Variants in NBEA observed in about 807,000 individuals in gnomAD.
The protein encoded by NBEA is neurobeachin.
Under a neutral mutation model 343.4 loss-of-function variants are expected in NBEA, and 44 were observed. That is an observed-to-expected ratio of 0.13 (90% CI 0.10 to 0.16). The LOEUF is 0.16. Ranked by LOEUF, NBEA falls within the 10% of genes least tolerant of loss-of-function variation. The probability of loss-of-function intolerance (pLI) is 1.00; values close to 1 mark genes in which losing one functional copy is unlikely to be tolerated. For missense variants in NBEA, 2,555 were observed against 3,631.3 expected, an observed-to-expected ratio of 0.70 and a Z score of 7.62; for synonymous variants, 1,175 against 1,238.7, an observed-to-expected ratio of 0.95 and a Z score of 1.08.
chr13:34,959,591 G>A (rs1194470278), intron 1 of NBEA, among the ~76,000 whole-genome samples: 1 of 152,072 alleles, frequency 6.6e-6, no homozygotes, highest in African/African-American at 2.4e-5. Flanking sequence ...GGAGTCTGTT[G>A]AGTAGCTGTG....
At chr13:35,248,987 TA>T (rs1593926232) in intron 34 of NBEA, among the ~76,000 whole-genome samples, 1 of 151,926 alleles carries the variant, frequency 6.6e-6, no homozygotes, top group East Asian at 1.9e-4. Flanking sequence ...CCATCTGTAC[TA>T]AAAATGCAAA....
intron 38 of NBEA, among the ~76,000 whole-genome samples, chr13:35,360,260 A>G (rs2040736532): frequency 6.6e-6 from 1 of 152,038 alleles, no homozygotes; most frequent in Non-Finnish European, 1.5e-5. Flanking sequence ...GCAAATCTGG[A>G]GCTTTAAAAA....
intron 38 of NBEA, among the ~76,000 whole-genome samples, chr13:35,392,470 GTTTTGTTTT>G (rs1211815666): frequency 7.0e-6 from 1 of 143,746 alleles, no homozygotes; most frequent in Non-Finnish European, 1.5e-5. Context: ...TGTGTGTGTG[GTTTTGTTTT>G]TTTTGTTTTT....
At position 35,645,920 on chromosome 13, in the gene NBEA, G is replaced by T; in HGVS notation, c.7669G>T (p.Asp2557Tyr). 1 of 1,565,650 alleles carries T rather than the reference G, an allele frequency of 6.4e-7. No individual in the cohort carries two copies. The highest frequency in any genetic ancestry group is 8.7e-7 in the Non-Finnish European group (1 of 1,150,040). ...RDPHTFLLTK[D>Y]FIKAMEAQIQ... Reference sequence around the variant, plus strand: ...CCCCCACACTTTCCTTCTTACAAAGGACTTTATTAAGGTATATGTTCTGTA... The same window carrying T: ...CCCCCACACTTTCCTTCTTACAAAGTACTTTATTAAGGTATATGTTCTGTA... Residue 2557 changes from aspartate to tyrosine, a missense_variant, in exon 50 of 59, where the codon GAC becomes TAC. Asp to Tyr is a radical substitution (Grantham distance 160). Coordinates refer to ENST00000379939, the MANE Select transcript of NBEA (RefSeq NM_001385012.1).
At chr13:35,577,094 A>T (rs902399562) in intron 45 of NBEA, among the ~76,000 whole-genome samples, 1 of 152,178 alleles carries the variant, frequency 6.6e-6, no homozygotes, top group African/African-American at 2.4e-5. Context: ...TTCATTCTCA[A>T]ACAGGCTTCC....
chr13:35,240,239 T>C (rs2029984865), intron 34 of NBEA, among the ~76,000 whole-genome samples: 1 of 151,926 alleles, frequency 6.6e-6, no homozygotes, highest in Non-Finnish European at 1.5e-5. Context: ...TTATGTCCTT[T>C]CTTTGTGAAC....
At chr13:35,114,741 G>A (rs1208684980) in intron 13 of NBEA, among the ~76,000 whole-genome samples, 2 of 152,130 alleles carry the variant, frequency 1.3e-5, no homozygotes, top group African/African-American at 2.4e-5. Flanking sequence ...TGACAGGAAA[G>A]TGGAATCAGC....
intron 17 of NBEA, among the ~76,000 whole-genome samples, chr13:35,131,463 G>A (rs1034136399): frequency 2.0e-5 from 3 of 152,108 alleles, no homozygotes; most frequent in African/African-American, 7.2e-5. Flanking sequence ...TAATTATGAT[G>A]TGTGCAAAAA....
chr13:35,584,407 C>T (rs796309843), intron 46 of NBEA, among the ~76,000 whole-genome samples: 2 of 151,658 alleles, frequency 1.3e-5, no homozygotes, highest in South Asian at 4.2e-4. Context: ...CAGCCTTGAA[C>T]CCCTGGGCTC....
chr13:35,107,275 T>C (rs1306727681), intron 11 of NBEA, among the ~76,000 whole-genome samples: 2 of 148,710 alleles, frequency 1.3e-5, no homozygotes, highest in African/African-American at 2.5e-5. Flanking sequence ...CTTGTTTTGG[T>C]TCCCCCCCCT....
intron 38 of NBEA, among the ~76,000 whole-genome samples, chr13:35,364,448 A>G (rs1165003642): frequency 1.3e-5 from 2 of 151,890 alleles, no homozygotes; most frequent in Admixed American, 6.6e-5. Flanking sequence ...TTAATCTGAG[A>G]TAGTTAAAGA....
At chr13:35,574,956 G>T (rs1299715938) in intron 45 of NBEA, among the ~76,000 whole-genome samples, 1 of 151,974 alleles carries the variant, frequency 6.6e-6, no homozygotes, top group African/African-American at 2.4e-5. Flanking sequence ...CACCATGTGG[G>T]CCAGGCTGCT....
chr13:35,001,579 A>G (rs1027253202), intron 1 of NBEA, among the ~76,000 whole-genome samples: 1 of 152,216 alleles, frequency 6.6e-6, no homozygotes. Context: ...ACAGAAAGAT[A>G]AATACCACAT....
chr13:35,095,905 G>A (rs1285195055), intron 10 of NBEA, among the ~76,000 whole-genome samples: 2 of 151,918 alleles, frequency 1.3e-5, no homozygotes, highest in Non-Finnish European at 2.9e-5. Flanking sequence ...TAGATCCTCT[G>A]CAGATGAACT....
chr13:35,351,525 TAAGA>T (rs1457541191), intron 37 of NBEA, among the ~76,000 whole-genome samples: 1 of 151,990 alleles, frequency 6.6e-6, no homozygotes, highest in African/African-American at 2.4e-5. Context: ...AAAAGGAAGG[TAAGA>T]ATAAGGTAGT....
At chr13:35,665,059 G>C (rs2085287530) in intron 55 of NBEA, 26 bp from the exon 56 acceptor site, 5 of 1,498,364 alleles carry the variant, frequency 3.3e-6, no homozygotes, top group Non-Finnish European at 4.6e-6. Context: ...GGTCTGTAGT[G>C]CCTCACTGCT....
intron 1 of NBEA, among the ~76,000 whole-genome samples, chr13:34,948,235 T>G (rs2059247187): frequency 2.0e-5 from 3 of 152,186 alleles, no homozygotes; most frequent in Non-Finnish European, 4.4e-5. Context: ...TAGGTGGGTC[T>G]ACCCCACTGC....
intron 41 of NBEA, among the ~76,000 whole-genome samples, chr13:35,539,913 CTCAAAAA>C (rs2078737127): frequency 3.7e-5 from 1 of 26,714 alleles, no homozygotes; most frequent in Non-Finnish European, 6.1e-5. Flanking sequence ...AAGACTCCGT[CTCAAAAA>C]AAAAAAAAAA....
At position 35,444,208 on chromosome 13, in the gene NBEA, C is replaced by G. The variant is rs554941063; in HGVS notation, c.6305-7884C>G. Among the ~76,000 whole-genome samples, 135 of 151,932 alleles carry G rather than the reference C, an allele frequency of 8.9e-4. 2 individuals carry two copies. The highest frequency in any genetic ancestry group is 6.9e-3 in the Middle Eastern group (2 of 290). On this transcript the variant is annotated intron_variant, in intron 39 of 58. Coordinates refer to ENST00000379939, the MANE Select transcript of NBEA (RefSeq NM_001385012.1). ...TAAACTTCCCAGTAATAGATTGATT[C>G]ATACATATTATTGCACAAGATTGTG...
Sources: gnomAD v4.1 joint callset for allele counts (sites outside exome capture counted in the v4.1 genomes callset) on GRCh38, gnomAD v4.1.1 for gene constraint, MANE v1.5 for transcripts, NCBI Gene and HGNC (gene_info 2026-07-23, HGNC 2026-07-21) for gene names.